The following ZNF276 variants were observed in gnomAD, a reference collection of about 807,000 sequenced individuals.
The protein encoded by ZNF276 is zinc finger protein 276.
A neutral mutation model predicts 63.9 loss-of-function variants in ZNF276; 59 were observed. The observed-to-expected ratio is 0.92, with a 90% CI of 0.75 to 1.15. The LOEUF (loss-of-function observed/expected upper bound fraction) is 1.15, where lower values mean the gene tolerates loss of function less well. Among genes scored for constraint, ZNF276 ranks in the 50% most tolerant of loss-of-function variants. The pLI, the probability that ZNF276 is intolerant of heterozygous loss-of-function variation, is 0.00. For synonymous variants in ZNF276, 496 were observed against 348.4 expected (o/e 1.42, Z -4.72); for missense variants, 1,084 against 843.8 (o/e 1.28, Z -3.53).
At chr16:89,721,127 C>A, upstream of ZNF276, 1 of 296,134 alleles carries the variant, frequency 3.4e-6, no homozygotes, top group African/African-American at 2.2e-5. Context: ...AAGGGCCCCT[C>A]ACGGAGTTGC....
Position 89,740,826 on chromosome 16 carries a change from A to G in ZNF276, c.*2580A>G. 6.2e-7 allele frequency: 1 copy of G among 1,613,772 alleles called. No homozygotes were observed. Among genetic ancestry groups the G allele is most frequent in the East Asian group, 2.2e-5 (1 of 44,876 alleles). On this transcript the variant is annotated 3_prime_UTR_variant, in exon 11 of 11. Coordinates refer to ENST00000443381, the MANE Select transcript of ZNF276 (RefSeq NM_001113525.2). ...TACATTTGAGGTCAGATGTGACGAC[A>G]GCAGGCCCATCAAGGAGAAGAAGAA... is the stretch of plus-strand genomic sequence containing the variant.
At chr16:89,737,288 G>A (rs1237359310) in intron 9 of ZNF276, among the ~76,000 whole-genome samples, 3 of 152,146 alleles carry the variant, frequency 2.0e-5, no homozygotes, top group African/African-American at 4.8e-5. Context: ...TTGGGAGACC[G>A]AGGCAGGCAG....
intron 5 of ZNF276, 145 bp downstream of exon 5, chr16:89,727,502 C>T: frequency 4.4e-6 from 4 of 912,234 alleles, no homozygotes; most frequent in Non-Finnish European, 5.1e-6. Flanking sequence ...GTCGGCTGCC[C>T]ATGCGCTGGT....
rs1180211362 is a variant in ZNF276, at chr16:89,738,235, G to A, written c.1834G>A (p.Glu612Lys). 4.4e-6 allele frequency: 7 copies of A among 1,602,656 alleles called. No individual in the cohort carries two copies. The highest frequency in any genetic ancestry group is 1.7e-5 in the Admixed American group (1 of 58,170). ...VTTEGQAVKP[E>K]PT ...CACAGAGGGCCAGGCGGTGAAGCCC[G>A]AACCCACCTGAGGACGGCAGTGAGG... Residue 612 changes from glutamate (E) to lysine (K), a missense_variant, in exon 11 of 11, where the codon GAA becomes AAA. Physicochemically the swap from Glu to Lys is moderately conservative, Grantham distance 56. Transcript: ENST00000443381.
intron 5 of ZNF276, 126 bp from the exon 6 acceptor site, chr16:89,729,109 G>A (rs534839161): frequency 1.3e-6 from 1 of 772,926 alleles, no homozygotes; most frequent in South Asian, 1.7e-5. Context: ...TTAGATTTAA[G>A]ACATTTTCAG....
chr16:89,727,183 C>A, intron 4 of ZNF276, 96 bp from the exon 5 acceptor site: 1 of 1,290,920 alleles, frequency 7.7e-7, no homozygotes, highest in Non-Finnish European at 1.1e-6. Flanking sequence ...ACCCCAGTCT[C>A]CCTTCTAGTC....
chr16:89,724,778 G>A (rs535130588), intron 4 of ZNF276, among the ~76,000 whole-genome samples: 19 of 152,186 alleles, frequency 1.2e-4, no homozygotes, highest in Non-Finnish European at 2.6e-4. Flanking sequence ...CTGTAAACTT[G>A]TATGCAGTGT....
upstream of ZNF276, chr16:89,721,483 G>A (rs2061269145): frequency 1.5e-6 from 1 of 657,664 alleles, no homozygotes; most frequent in Non-Finnish European, 2.3e-6. Context: ...TCCCGCCCCT[G>A]GCCCCTGGCC....
chr16:89,736,533 TGGGCTG>T (rs2061900805), intron 9 of ZNF276, among the ~76,000 whole-genome samples: 2 of 151,370 alleles, frequency 1.3e-5, no homozygotes, highest in Non-Finnish European at 2.9e-5. Flanking sequence ...CCATATTGAT[TGGGCTG>T]GGGCTGGTCT....
chr16:89,720,614 G>T (rs141038007), upstream of ZNF276: 31 of 1,221,800 alleles, frequency 2.5e-5, no homozygotes, highest in Non-Finnish European at 3.2e-5. Flanking sequence ...CCCCGCCCCC[G>T]TCCTCGCCCG....
intron 5 of ZNF276, 119 bp downstream of exon 5, chr16:89,727,476 A>C: frequency 8.3e-7 from 1 of 1,206,050 alleles, no homozygotes; most frequent in East Asian, 2.3e-5. Context: ...TTCAAAAACC[A>C]AACAGCCATC....
Position 89,740,169 on chromosome 16 carries a change from C to T in ZNF276, c.*1923C>T, listed in dbSNP as rs559531582. Reference sequence around the variant, plus strand: ...CTCCCATGGGTAGGAGGGTACAGCCCTCAGCACAGAAGAGGGCATTTCCTC... The same window carrying T: ...CTCCCATGGGTAGGAGGGTACAGCCTTCAGCACAGAAGAGGGCATTTCCTC... On this transcript the variant is annotated 3_prime_UTR_variant, in exon 11 of 11. Coordinates refer to ENST00000443381, the MANE Select transcript of ZNF276 (RefSeq NM_001113525.2). 21 of 1,217,782 alleles carry T rather than the reference C, an allele frequency of 1.7e-5. No homozygotes were observed. The South Asian group carries it at 2.3e-4, about 13-fold the overall frequency. The allele number at this position is 1,217,782 out of a possible 1,614,324, so 75.4% of individuals were successfully genotyped here.
In ZNF276 at chr16:89,738,018, C is replaced by A; in HGVS notation, c.1617C>A (p.Leu539=). ...TCCAGTGCAGGCAGCGGGCATCCCT[C>A]AAGTACCACATGACCAAACACAAGG... is the stretch of plus-strand genomic sequence containing the variant. ...CGFQCRQRAS[L]KYHMTKHKAE... is the part of the protein sequence containing the mutation. The change falls in exon 11 of 11, where the codon CTC becomes CTA. Residue 539 remains leucine, a synonymous_variant. Transcript: ENST00000443381. 6.2e-7 allele frequency: 1 copy of A among 1,614,164 alleles called. No homozygotes were observed. Among genetic ancestry groups the A allele is most frequent in the Non-Finnish European group, 8.5e-7 (1 of 1,180,044 alleles).
At chr16:89,720,779 G>C (rs2061242996), upstream of ZNF276, 1 of 1,455,914 alleles carries the variant, frequency 6.9e-7, no homozygotes, top group South Asian at 1.3e-5. Context: ...CCGGTTGCCG[G>C]TGTCCAGCTC....
Position 89,733,536 on chromosome 16 carries a change from C to G in ZNF276, c.1335C>G (p.Tyr445Ter). 1.2e-6 allele frequency: 2 copies of G among 1,614,118 alleles called. No individual in the cohort carries two copies. The highest frequency in any genetic ancestry group is 1.7e-6 in the Non-Finnish European group (2 of 1,180,032). The change falls in exon 8 of 11, where the codon TAC becomes TAG. Residue 445 changes from tyrosine (Y) to a stop codon, truncating the protein, a stop_gained. Transcript: ENST00000443381. LOFTEE classifies it high-confidence loss of function. Reference protein sequence around the residue: ...KCPYQGCTAVYRGADGMKKHI... With the variant: ...KCPYQGCTAV ...CTTACCAGGGCTGCACGGCCGTGTA[C>G]CGAGGCGCTGACGGCATGAAGGTGA...
chr16:89,737,713 C>A, intron 9 of ZNF276, 93 bp from the exon 10 acceptor site: 1 of 1,592,224 alleles, frequency 6.3e-7, no homozygotes, highest in Non-Finnish European at 8.6e-7. Flanking sequence ...GCAGAAATGT[C>A]TTCCCAGCTG....
chr16:89,738,867 G>C lies in ZNF276; in HGVS notation c.*621G>C. On this transcript the variant is annotated 3_prime_UTR_variant, in exon 11 of 11. Coordinates refer to ENST00000443381, the MANE Select transcript of ZNF276 (RefSeq NM_001113525.2). ...ATGTCCCCCACATGGCCCAAGGTGG[G>C]CATCTTGACGTTACCTCTGCCACGT... 1 of 1,614,230 alleles carries C rather than the reference G, an allele frequency of 6.2e-7. No homozygotes were observed. The highest frequency in any genetic ancestry group is 8.5e-7 in the Non-Finnish European group (1 of 1,180,040).
intron 2 of ZNF276, 53 bp downstream of exon 2, chr16:89,722,887 CG>C (rs2061344436): frequency 1.3e-6 from 2 of 1,573,316 alleles, no homozygotes. Context: ...TGCAGTGTGA[CG>C]GGTGTTGAGA....
chr16:89,739,556 G>C lies in ZNF276; in HGVS notation c.*1310G>C, dbSNP rs368999000. ...GAGGAGCCGCCCCAGCCTGAGGTCTGCAACACCAAGAAGTGGCTCAGGCAA... is the reference window on the plus strand; with the variant it reads ...GAGGAGCCGCCCCAGCCTGAGGTCTCCAACACCAAGAAGTGGCTCAGGCAA... On this transcript the variant is annotated 3_prime_UTR_variant, in exon 11 of 11. Coordinates refer to ENST00000443381, the MANE Select transcript of ZNF276 (RefSeq NM_001113525.2). 7.1e-6 allele frequency: 11 copies of C among 1,551,012 alleles called. No individual in the cohort carries two copies. In the African/African-American group the frequency reaches 1.1e-4, roughly 15 times the overall value.
Sources: allele counts gnomAD v4.1 joint callset (sites outside exome capture counted in the v4.1 genomes callset), GRCh38; gene constraint gnomAD v4.1.1; transcripts MANE v1.5; gene names NCBI Gene and HGNC (gene_info 2026-07-23, HGNC 2026-07-21).